PDE5A: variants seen among roughly 807,000 people sequenced by gnomAD.
The protein encoded by PDE5A is cGMP-specific 3',5'-cyclic phosphodiesterase.
In PDE5A, 67 loss-of-function variants were observed where a neutral mutation model predicts 110.2. The observed-to-expected ratio is 0.61, with a 90% confidence interval of 0.50 to 0.75. The LOEUF is 0.75. Among genes scored for constraint, PDE5A ranks in the 30% least tolerant of loss-of-function variants. The pLI, the probability that PDE5A is intolerant of heterozygous loss-of-function variation, is 0.00. For synonymous variants in PDE5A, 328 were observed against 351.2 expected (o/e 0.93, Z 0.74); for missense variants, 862 against 1,045.1 (o/e 0.82, Z 2.42).
intron 4 of PDE5A, among the ~76,000 whole-genome samples, chr4:119,565,812 A>C (rs1398259294): frequency 6.6e-6 from 1 of 151,892 alleles, no homozygotes; most frequent in East Asian, 1.9e-4. Flanking sequence ...GAATATTCAC[A>C]ATAAAAGCAT....
At chr4:119,580,101 A>T (rs2110520641) in intron 3 of PDE5A, among the ~76,000 whole-genome samples, 1 of 152,206 alleles carries the variant, frequency 6.6e-6, no homozygotes, top group African/African-American at 2.4e-5. Context: ...ATCCTGTGGG[A>T]CTAGAGTCAA....
chr4:119,615,927 T>G (rs1302247289), intron 1 of PDE5A, among the ~76,000 whole-genome samples: 1 of 152,168 alleles, frequency 6.6e-6, no homozygotes, highest in Non-Finnish European at 1.5e-5. Flanking sequence ...CAATGAACAT[T>G]GAAGCCAATA....
rs17007201 is a variant in PDE5A at position 119,506,124 on chromosome 4, C to T, written c.2190-192G>A. 7.6e-3 allele frequency among the ~76,000 whole-genome samples: 1,147 copies of T among 151,660 alleles called. 12 individuals are homozygous for T. The highest frequency in any genetic ancestry group is 0.026 in the African/African-American group (1,076 of 41,450). ...CTTTCCCCCTTCTATCATTTGCTTT[C>T]GATAAAACATTAAACCTCACCTAAT... On this transcript the variant is annotated intron_variant, in intron 16 of 20. Coordinates refer to ENST00000354960, the MANE Select transcript of PDE5A (RefSeq NM_001083.4).
At chr4:119,528,071 AC>A in intron 11 of PDE5A, among the ~76,000 whole-genome samples, 1 of 152,180 alleles carries the variant, frequency 6.6e-6, no homozygotes, top group East Asian at 1.9e-4. Context: ...AAATAAAAAA[AC>A]AAAGCTCATT....
At chr4:119,596,664 T>C (rs763601565) in intron 2 of PDE5A, 52 bp from the exon 3 acceptor site, 6 of 1,046,400 alleles carry the variant, frequency 5.7e-6, no homozygotes, top group Middle Eastern at 2.1e-4. Context: ...CAAAGATTGA[T>C]TTGATTTTTC....
At chr4:119,564,804 A>G (rs946989440) in intron 5 of PDE5A, among the ~76,000 whole-genome samples, 1 of 152,154 alleles carries the variant, frequency 6.6e-6, no homozygotes, top group African/African-American at 2.4e-5. Context: ...GCCCAGGAAA[A>G]GTTCATCATG....
At chr4:119,502,944 A>G (rs373946643) in intron 18 of PDE5A, among the ~76,000 whole-genome samples, 4 of 152,272 alleles carry the variant, frequency 2.6e-5, no homozygotes, top group African/African-American at 9.6e-5. Context: ...CCCATAAAAC[A>G]GTATGTACAA....
At chr4:119,533,415 C>T (rs1454911657) in intron 11 of PDE5A, among the ~76,000 whole-genome samples, 1 of 152,072 alleles carries the variant, frequency 6.6e-6, no homozygotes, top group Non-Finnish European at 1.5e-5. Flanking sequence ...TCCGCATGCC[C>T]AAGAGGGGTG....
intron 9 of PDE5A, among the ~76,000 whole-genome samples, chr4:119,550,722 C>A (rs763110112): frequency 6.6e-6 from 1 of 152,204 alleles, no homozygotes; most frequent in Non-Finnish European, 1.5e-5. Flanking sequence ...GTAAATAATG[C>A]ATTCCTTCTG....
chr4:119,626,766 G>A (rs1206929404), intron 1 of PDE5A, among the ~76,000 whole-genome samples: 1 of 152,146 alleles, frequency 6.6e-6, no homozygotes, highest in East Asian at 1.9e-4. Context: ...TCAAGATTTA[G>A]GATTTTGAAG....
At chr4:119,534,985 C>T (rs184399621) in intron 11 of PDE5A, among the ~76,000 whole-genome samples, 83 of 152,264 alleles carry the variant, frequency 5.5e-4, no homozygotes, top group Middle Eastern at 6.8e-3. Flanking sequence ...ACAGCACTGC[C>T]TCCGTGACAA....
chr4:119,568,807 A>G (rs1399066697), intron 3 of PDE5A, among the ~76,000 whole-genome samples: 1 of 152,216 alleles, frequency 6.6e-6, no homozygotes, highest in Non-Finnish European at 1.5e-5. Flanking sequence ...AGTTTCTGAT[A>G]AATATGCAGT....
At position 119,626,089 on chromosome 4, in the gene PDE5A, T is replaced by C. The variant is rs377317958; in HGVS notation, c.152+2431A>G. Among the ~76,000 whole-genome samples the C allele has an allele frequency of 3.3e-5, 5 of 152,340 alleles. No individual in the cohort carries two copies. The South Asian group carries it at 8.3e-4, about 25-fold the overall frequency. On this transcript the variant is annotated intron_variant, in intron 1 of 20. Transcript: ENST00000354960. ...GAATATGTATACACACATACATATATATATCACAGAAAGTGTTCAGCCTGT... is the reference window on the plus strand; with the variant it reads ...GAATATGTATACACACATACATATACATATCACAGAAAGTGTTCAGCCTGT...
At chr4:119,560,846 G>A (rs1257264047) in intron 6 of PDE5A, among the ~76,000 whole-genome samples, 1 of 152,202 alleles carries the variant, frequency 6.6e-6, no homozygotes, top group Admixed American at 6.5e-5. Flanking sequence ...CATTAAAGGT[G>A]TGGTGGTTCA....
intron 11 of PDE5A, among the ~76,000 whole-genome samples, chr4:119,537,435 A>T (rs936990929): frequency 6.6e-6 from 1 of 151,956 alleles, no homozygotes; most frequent in African/African-American, 2.4e-5. Context: ...CCTACCACTG[A>T]TGAGATCTCC....
chr4:119,592,099 G>A (rs1320650351), intron 3 of PDE5A, among the ~76,000 whole-genome samples: 7 of 134,484 alleles, frequency 5.2e-5, no homozygotes, highest in Non-Finnish European at 9.2e-5. Flanking sequence ...GCAGTGGGCC[G>A]AGATCATACC....
chr4:119,553,590 G>T, intron 8 of PDE5A, 48 bp downstream of exon 8: 2 of 888,066 alleles, frequency 2.3e-6, no homozygotes, highest in African/African-American at 1.6e-5. Flanking sequence ...GTACAGATGT[G>T]ATGGGAAAAC....
At chr4:119,586,981 T>G (rs1384590363) in intron 3 of PDE5A, among the ~76,000 whole-genome samples, 4 of 152,222 alleles carry the variant, frequency 2.6e-5, no homozygotes, top group Admixed American at 2.0e-4. Context: ...TTTCACATAT[T>G]AGCACAGTGT....
chr4:119,521,622 C>G (rs994533785), intron 12 of PDE5A, among the ~76,000 whole-genome samples: 1 of 151,430 alleles, frequency 6.6e-6, no homozygotes, highest in South Asian at 2.1e-4. Flanking sequence ...AAGACAATGC[C>G]GTCATTAGCT....
Sources: gnomAD v4.1 joint callset for allele counts (sites outside exome capture counted in the v4.1 genomes callset) on GRCh38, gnomAD v4.1.1 for gene constraint, MANE v1.5 for transcripts, NCBI Gene and HGNC (gene_info 2026-07-23, HGNC 2026-07-21) for gene names.